Variants in HAVCR1 observed in about 807,000 individuals in gnomAD.
The protein encoded by HAVCR1 is T cell immunoglobin domain and mucin domain protein 1.
In HAVCR1, 34 loss-of-function variants were observed where a neutral mutation model predicts 32.0. That is an observed-to-expected ratio of 1.06 (90% CI 0.81 to 1.42). The LOEUF (loss-of-function observed/expected upper bound fraction) is 1.42, where lower values mean the gene tolerates loss of function less well. Ranked by LOEUF, HAVCR1 falls within the 40% of genes most tolerant of loss-of-function variation. HAVCR1 has a pLI of 0.00. For missense variants in HAVCR1, 420 were observed against 442.3 expected, an observed-to-expected ratio of 0.95 and a Z score of 0.45; for synonymous variants, 178 against 170.3, an observed-to-expected ratio of 1.05 and a Z score of -0.35.
At chr5:157,062,874 C>T (rs1436481850), upstream of HAVCR1, among the ~76,000 whole-genome samples, 2 of 152,002 alleles carry the variant, frequency 1.3e-5, no homozygotes, top group Non-Finnish European at 2.9e-5. Context: ...AATCCCAGCA[C>T]TTTGGGAGGC....
intron 4 of HAVCR1, among the ~76,000 whole-genome samples, 160 bp downstream of exon 4, chr5:157,052,201 A>C (rs974961196): frequency 1.3e-5 from 2 of 152,206 alleles, no homozygotes; most frequent in Non-Finnish European, 1.5e-5. Flanking sequence ...GACGCATACA[A>C]CTTGGGAGTT....
chr5:157,044,428 AAAGAAAGAAAG>A (rs1482345523), intron 5 of HAVCR1, among the ~76,000 whole-genome samples: 2 of 26,758 alleles, frequency 7.5e-5, no homozygotes, highest in African/African-American at 3.3e-4. Flanking sequence ...AAGGAGAAAG[AAAGAAAGAAAG>A]AAAGAAAGAA....
At chr5:157,061,001 G>A (rs957309453), upstream of HAVCR1, among the ~76,000 whole-genome samples, 2 of 151,898 alleles carry the variant, frequency 1.3e-5, no homozygotes, top group African/African-American at 4.8e-5. Flanking sequence ...GGGTTTAAGT[G>A]ATTCTCTTGC....
At chr5:157,044,625 G>GAA (rs1168167052) in intron 5 of HAVCR1, among the ~76,000 whole-genome samples, 1,624 of 51,454 alleles carry the variant, frequency 0.032, 84 homozygotes, top group East Asian at 0.2. Flanking sequence ...GAGAAAGAAA[G>GAA]AAAGAAAGAA....
intron 6 of HAVCR1, among the ~76,000 whole-genome samples, chr5:157,039,415 C>A (rs1436725618): frequency 6.6e-6 from 1 of 152,208 alleles, no homozygotes; most frequent in Non-Finnish European, 1.5e-5. Context: ...GTGGTGCAAT[C>A]TCGGCTCACT....
chr5:157,043,294 A>T (rs1041115876), intron 5 of HAVCR1, among the ~76,000 whole-genome samples: 9 of 152,228 alleles, frequency 5.9e-5, no homozygotes, highest in African/African-American at 2.2e-4. Flanking sequence ...ATTTTATGTA[A>T]TATATAAGAT....
chr5:157,049,238 C>T (rs1755601358), intron 4 of HAVCR1, 93 bp from the exon 5 acceptor site: 2 of 840,048 alleles, frequency 2.4e-6, no homozygotes, highest in Non-Finnish European at 4.1e-6. Flanking sequence ...CAGGAATTAC[C>T]ATCACCTTTC....
chr5:157,057,457 AAGAAAG>A (rs1477298984), intron 2 of HAVCR1, among the ~76,000 whole-genome samples: 22 of 115,620 alleles, frequency 1.9e-4, no homozygotes, highest in African/African-American at 4.8e-4. Context: ...GAAAGAAAGA[AAGAAAG>A]AGAATTGAAT....
chr5:157,064,579 T>A, the HAVCR1 span, among the ~76,000 whole-genome samples: 1 of 152,050 alleles, frequency 6.6e-6, no homozygotes, highest in East Asian at 1.9e-4. Flanking sequence ...CAAGGAGAGC[T>A]GCAAAGGCTG....
At chr5:157,035,133 T>A (rs187912857) in intron 7 of HAVCR1, among the ~76,000 whole-genome samples, 4 of 152,266 alleles carry the variant, frequency 2.6e-5, no homozygotes, top group East Asian at 1.9e-4. Flanking sequence ...TCTGTACACA[T>A]AATAAATATG....
chr5:157,042,238 C>A (rs1370040765), intron 6 of HAVCR1, among the ~76,000 whole-genome samples: 2 of 151,246 alleles, frequency 1.3e-5, no homozygotes, highest in South Asian at 4.2e-4. Context: ...GTCAGGAGAT[C>A]GAGACTATCC....
At chr5:157,062,737 A>T (rs1007515463), upstream of HAVCR1, among the ~76,000 whole-genome samples, 1 of 152,114 alleles carries the variant, frequency 6.6e-6, no homozygotes, top group African/African-American at 2.4e-5. Flanking sequence ...TACTCCTCTG[A>T]TTTCATAACA....
Position 157,044,615 on chromosome 5 carries a change from G to GAAAGAAAGAGAAAGAA in HAVCR1, c.782-1934_782-1933insTTCTTTCTCTTTCTTT, listed in dbSNP as rs760337335. Among the ~76,000 whole-genome samples the GAAAGAAAGAGAAAGAA allele has an allele frequency of 3.2e-3, 169 of 52,630 alleles. 1 individual carries two copies. The highest frequency in any genetic ancestry group is 0.021 in the Middle Eastern group (2 of 94). 34.5% of individuals were successfully genotyped at this position (52,630 alleles called of 152,430 possible). ...AGAAAGAAAGAAAGAAAGAAAGAAAGAGAAAGAAAGAAAGAAAGAAAGAAA... is the reference window on the plus strand; with the variant it reads ...AGAAAGAAAGAAAGAAAGAAAGAAAGAAAGAAAGAGAAAGAAAGAAAGAAAGAAAGAAAGAAAGAAA... On this transcript the variant is annotated intron_variant, in intron 5 of 8. Coordinates refer to ENST00000523175, the MANE Select transcript of HAVCR1 (RefSeq NM_001173393.3).
At chr5:157,042,826 A>G (rs940417938) in intron 5 of HAVCR1, 144 bp from the exon 6 acceptor site, 2 of 544,574 alleles carry the variant, frequency 3.7e-6, no homozygotes, top group Non-Finnish European at 6.5e-6. Context: ...CAAGAGTCAT[A>G]CCAAGTTATT....
chr5:157,060,888 C>T (rs946355608), upstream of HAVCR1, among the ~76,000 whole-genome samples: 1 of 139,642 alleles, frequency 7.2e-6, no homozygotes. Flanking sequence ...CTAAGGCAAC[C>T]AAGGCATTTT....
At position 157,052,655 on chromosome 5, in the gene HAVCR1, C is replaced by A; in HGVS notation, c.380-1G>T. 6.2e-7 allele frequency: 1 copy of A among 1,612,438 alleles called. No homozygotes were observed. The highest frequency in any genetic ancestry group is 8.5e-7 in the Non-Finnish European group (1 of 1,178,558). ...ACAATTGGAGTAGTCGTGACCTTGG[C>A]TGGAGTCAGAAATCAACATGAGAGT... On this transcript the variant is annotated splice_acceptor_variant, in intron 3 of 8. Transcript: ENST00000523175. LOFTEE classifies it high-confidence loss of function.
chr5:157,045,334 T>C (rs926595307), intron 5 of HAVCR1, among the ~76,000 whole-genome samples: 14 of 152,170 alleles, frequency 9.2e-5, no homozygotes, highest in African/African-American at 3.4e-4. Flanking sequence ...AACTACAACC[T>C]ATTAATAGTA....
At chr5:157,044,589 A>AAGAAAGAAAGAAAG (rs1755192825) in intron 5 of HAVCR1, among the ~76,000 whole-genome samples, 1 of 38,126 alleles carries the variant, frequency 2.6e-5, no homozygotes, top group African/African-American at 1.4e-4. Flanking sequence ...GAAAGAAGGA[A>AAGAAAGAAAGAAAG]AGAAAGAAAG....
chr5:157,047,790 G>C (rs1287288850), intron 5 of HAVCR1, among the ~76,000 whole-genome samples: 1 of 152,110 alleles, frequency 6.6e-6, no homozygotes, highest in Non-Finnish European at 1.5e-5. Context: ...CCAAAGAGAG[G>C]GTTGTGGGAA....
Sources: gnomAD v4.1 joint callset for allele counts (sites outside exome capture counted in the v4.1 genomes callset) on GRCh38, gnomAD v4.1.1 for gene constraint, MANE v1.5 for transcripts, NCBI Gene and HGNC (gene_info 2026-07-23, HGNC 2026-07-21) for gene names.